The following TBC1D2 variants were observed in gnomAD, a reference collection of about 807,000 sequenced individuals.
The protein encoded by TBC1D2 is TBC1 domain family member 2A.
A neutral mutation model predicts 91.1 loss-of-function variants in TBC1D2; 58 were observed. The ratio of observed to expected loss-of-function variants is 0.64; its 90% confidence interval spans 0.52 to 0.79. TBC1D2 has a LOEUF of 0.79. TBC1D2 is among the 30% of genes least tolerant of loss of function. The pLI, the probability that TBC1D2 is intolerant of heterozygous loss-of-function variation, is 0.00. For synonymous variants in TBC1D2, 482 were observed against 511.5 expected (o/e 0.94, Z 0.78); for missense variants, 1,080 against 1,208.3 (o/e 0.89, Z 1.57).
In TBC1D2 at chr9:98,199,603, C is replaced by T; in HGVS notation, c.2580-15G>A. 6.2e-7 allele frequency: 1 copy of T among 1,613,716 alleles called. No homozygotes were observed. Among genetic ancestry groups the T allele is most frequent in the South Asian group, 1.1e-5 (1 of 91,076 alleles). On this transcript the variant is annotated splice_polypyrimidine_tract_variant and intron_variant, in intron 12 of 12. Coordinates refer to ENST00000465784, the MANE Select transcript of TBC1D2 (RefSeq NM_001267571.2). ...TCATCAGCTTCCTGGGAGGAGGGCACAATCAGCCCAGAGCACGTCACCCCA... is the reference window on the plus strand; with the variant it reads ...TCATCAGCTTCCTGGGAGGAGGGCATAATCAGCCCAGAGCACGTCACCCCA...
At position 98,255,171 on chromosome 9, in the gene TBC1D2, A is replaced by G; in HGVS notation, c.369+2T>C. Reference sequence around the variant, plus strand: ...AAGGAGAAAGTCGTTGCAGGAATTTACCTTCAGGGTAATAACCCGGCTGGG... The same window carrying G: ...AAGGAGAAAGTCGTTGCAGGAATTTGCCTTCAGGGTAATAACCCGGCTGGG... On this transcript the variant is annotated splice_donor_variant, in intron 1 of 12. Transcript: ENST00000465784. LOFTEE classifies it high-confidence loss of function. The G allele has an allele frequency of 6.3e-7, 1 of 1,596,992 alleles. No homozygotes were observed. The highest frequency in any genetic ancestry group is 8.6e-7 in the Non-Finnish European group (1 of 1,167,934).
chr9:98,206,504 C>A (rs889646458), intron 9 of TBC1D2, among the ~76,000 whole-genome samples: 1 of 152,106 alleles, frequency 6.6e-6, no homozygotes, highest in Non-Finnish European at 1.5e-5. Context: ...GCCCCTCCTG[C>A]CATAGGATTT....
chr9:98,204,627 A>C (rs1251250108), intron 9 of TBC1D2, among the ~76,000 whole-genome samples: 3 of 152,124 alleles, frequency 2.0e-5, no homozygotes, highest in South Asian at 4.1e-4. Flanking sequence ...AACATGGTTG[A>C]ATCTCAAAAG....
At chr9:98,230,908 T>C (rs1415358659) in intron 4 of TBC1D2, among the ~76,000 whole-genome samples, 1 of 152,190 alleles carries the variant, frequency 6.6e-6, no homozygotes, top group East Asian at 1.9e-4. Context: ...CAACAGTGCC[T>C]TGCTGAGTGC....
chr9:98,202,273 G>A (rs574693686), intron 10 of TBC1D2, among the ~76,000 whole-genome samples: 3 of 152,288 alleles, frequency 2.0e-5, no homozygotes, highest in East Asian at 1.9e-4. Flanking sequence ...TCATGCCTCC[G>A]TCCTTGTTTC....
In TBC1D2 at chr9:98,199,107, C is replaced by T. The variant is rs973974994; in HGVS notation, c.*274G>A. ...TCCAGGTTACCCTATAGAGGCAGTGCTCTTGCTTGTTTACATGCCAAAGTG... is the reference window on the plus strand; with the variant it reads ...TCCAGGTTACCCTATAGAGGCAGTGTTCTTGCTTGTTTACATGCCAAAGTG... On this transcript the variant is annotated 3_prime_UTR_variant, in exon 13 of 13. Coordinates refer to ENST00000465784, the MANE Select transcript of TBC1D2 (RefSeq NM_001267571.2). The T allele has an allele frequency of 6.9e-6, 4 of 582,870 alleles. No individual in the cohort carries two copies. In the African/African-American group the frequency reaches 7.5e-5, roughly 11 times the overall value. The allele number at this position is 582,870 out of a possible 1,614,324, so 36.1% of individuals were successfully genotyped here.
At chr9:98,244,886 T>C (rs1829732875) in intron 2 of TBC1D2, among the ~76,000 whole-genome samples, 1 of 152,036 alleles carries the variant, frequency 6.6e-6, no homozygotes, top group Non-Finnish European at 1.5e-5. Flanking sequence ...ACAATGTGAA[T>C]AAATACTTAT....
chr9:98,247,711 A>G (rs891199676), intron 2 of TBC1D2, among the ~76,000 whole-genome samples: 11 of 135,066 alleles, frequency 8.1e-5, no homozygotes, highest in Non-Finnish European at 1.7e-4. Flanking sequence ...CCTGGGTGAC[A>G]GAGCGAGACT....
At chr9:98,206,812 A>G (rs1303759707) in intron 9 of TBC1D2, among the ~76,000 whole-genome samples, 2 of 152,236 alleles carry the variant, frequency 1.3e-5, no homozygotes, top group East Asian at 3.8e-4. Context: ...ATTAGATGCC[A>G]TCAGGTGTTA....
chr9:98,230,802 A>G (rs1829349079), intron 4 of TBC1D2, among the ~76,000 whole-genome samples: 1 of 152,046 alleles, frequency 6.6e-6, no homozygotes, highest in African/African-American at 2.4e-5. Flanking sequence ...AATCACTTGA[A>G]CCCGGGAGGC....
chr9:98,253,330 T>G (rs1354223889), intron 1 of TBC1D2, among the ~76,000 whole-genome samples: 1 of 152,160 alleles, frequency 6.6e-6, no homozygotes, highest in Non-Finnish European at 1.5e-5. Context: ...CTCATTCTAT[T>G]TCCCTACTAT....
In TBC1D2 at chr9:98,233,411, CTCACCTGGGGTGCTGG is replaced by C. The variant is rs1382895440; in HGVS notation, c.770_781+4del. 4.3e-6 allele frequency: 7 copies of C among 1,612,994 alleles called. No individual in the cohort carries two copies. In the African/African-American group the frequency reaches 9.3e-5, roughly 22 times the overall value. The stretch of plus-strand genomic sequence containing the variant: ...AAGGCAGCTCAGCCCTGGACAGAGG[CTCACCTGGGGTGCTGG>C]CGTCAGAGGCCAAGGGCTGCTCCTC... On this transcript the variant is annotated splice_donor_variant and splice_donor_region_variant and coding_sequence_variant and intron_variant, in exon 4 of 13. Transcript: ENST00000465784. LOFTEE classifies it high-confidence loss of function.
chr9:98,243,226 T>C (rs1423311027), intron 3 of TBC1D2, among the ~76,000 whole-genome samples: 1 of 152,162 alleles, frequency 6.6e-6, no homozygotes, highest in Non-Finnish European at 1.5e-5. Flanking sequence ...TTTGATGCTT[T>C]TGACATGTAT....
In TBC1D2 at chr9:98,208,729, G is replaced by A. The variant is rs369364224; in HGVS notation, c.2089C>T (p.Arg697Trp). 3.0e-5 allele frequency: 46 copies of A among 1,558,360 alleles called. No homozygotes were observed. Among genetic ancestry groups the A allele is most frequent in the Middle Eastern group, 1.7e-4 (1 of 5,810 alleles). Residue 697 changes from arginine (R) to tryptophan (W), a missense_variant, in exon 9 of 13, where the codon CGG (arginine) becomes TGG (tryptophan). By Grantham distance (101) the Arg-to-Trp change is moderately radical. Transcript: ENST00000465784. ...TGCCAGGAGAAGGCCAGCAGCACCCGGCGGAGCTTGTCGGGGAAGCTGGAG... is the reference window on the plus strand; with the variant it reads ...TGCCAGGAGAAGGCCAGCAGCACCCAGCGGAGCTTGTCGGGGAAGCTGGAG... ...PTSSFPDKLR[R>W]VLLAFSWQNP...
chr9:98,220,704 G>T, intron 6 of TBC1D2, 129 bp downstream of exon 6: 1 of 1,184,010 alleles, frequency 8.4e-7, no homozygotes, highest in Non-Finnish European at 1.2e-6. Context: ...TGTTTCTAAT[G>T]TGAATATTCT....
chr9:98,216,688 ATATT>A (rs973486968), intron 6 of TBC1D2, among the ~76,000 whole-genome samples: 8 of 151,944 alleles, frequency 5.3e-5, no homozygotes, highest in African/African-American at 1.9e-4. Context: ...GTGCTCATGG[ATATT>A]TATTTATTTT....
chr9:98,217,025 G>C (rs764814280), intron 6 of TBC1D2, among the ~76,000 whole-genome samples: 11 of 152,240 alleles, frequency 7.2e-5, no homozygotes, highest in Admixed American at 3.3e-4. Flanking sequence ...GCTTTGGAAA[G>C]AAGGCTTTTG....
At chr9:98,210,894 C>A (rs1828820240) in intron 7 of TBC1D2, 51 bp from the exon 8 acceptor site, 1 of 1,480,156 alleles carries the variant, frequency 6.8e-7, no homozygotes, top group South Asian at 1.3e-5. Flanking sequence ...CTGGGCCGCC[C>A]CAGAGGCCTG....
intron 3 of TBC1D2, among the ~76,000 whole-genome samples, chr9:98,237,905 T>C (rs1829546694): frequency 6.8e-6 from 1 of 147,560 alleles, no homozygotes; most frequent in East Asian, 2.0e-4. Context: ...TTTTTCTTTT[T>C]TTTCTTTTTT....
Sources: gnomAD v4.1 joint callset for allele counts (sites outside exome capture counted in the v4.1 genomes callset) on GRCh38, gnomAD v4.1.1 for gene constraint, MANE v1.5 for transcripts, NCBI Gene and HGNC (gene_info 2026-07-23, HGNC 2026-07-21) for gene names.